Variants in EXOC4 observed in about 807,000 individuals in gnomAD.
The protein encoded by EXOC4 is exocyst complex component 4, also known as SEC8-like 1.
EXOC4 carries 71 observed loss-of-function variants against 107.2 expected under a neutral mutation model. That is an observed-to-expected ratio of 0.66 (90% CI 0.55 to 0.81). The LOEUF is 0.81. Among genes scored for constraint, EXOC4 ranks in the 30% least tolerant of loss-of-function variants. EXOC4 has a pLI of 0.00. For missense variants in EXOC4, 1,108 were observed against 1,189.6 expected, an observed-to-expected ratio of 0.93 and a Z score of 1.01; for synonymous variants, 456 against 441.2, an observed-to-expected ratio of 1.03 and a Z score of -0.42.
At chr7:133,563,689 C>T (rs980722808) in intron 9 of EXOC4, among the ~76,000 whole-genome samples, 6 of 152,074 alleles carry the variant, frequency 3.9e-5, no homozygotes, top group African/African-American at 1.2e-4. Flanking sequence ...TAAAACTAGG[C>T]GGCATAAGTT....
At chr7:133,592,643 G>T (rs374096506) in intron 9 of EXOC4, among the ~76,000 whole-genome samples, 4 of 151,882 alleles carry the variant, frequency 2.6e-5, no homozygotes, top group East Asian at 1.9e-4. Flanking sequence ...TCACTCTGTC[G>T]CTAGGCTGGA....
intron 10 of EXOC4, among the ~76,000 whole-genome samples, chr7:133,685,858 T>C (rs976309510): frequency 1.3e-5 from 2 of 152,130 alleles, no homozygotes; most frequent in Non-Finnish European, 2.9e-5. Flanking sequence ...TACCTATTAA[T>C]TTCTCATCCC....
chr7:133,870,363 C>A (rs1428268351), intron 11 of EXOC4, among the ~76,000 whole-genome samples: 1 of 152,110 alleles, frequency 6.6e-6, no homozygotes, highest in Non-Finnish European at 1.5e-5. Context: ...TACTAGACTC[C>A]GTGCTTGATT....
At chr7:133,753,061 C>A (rs1795826719) in intron 10 of EXOC4, among the ~76,000 whole-genome samples, 1 of 152,180 alleles carries the variant, frequency 6.6e-6, no homozygotes, top group African/African-American at 2.4e-5. Context: ...TTATCCTTAT[C>A]CTGAGGAATA....
At position 133,402,831 on chromosome 7, in the gene EXOC4, A is replaced by G. The variant is rs138715341; in HGVS notation, c.1182+27829A>G. Among the ~76,000 whole-genome samples, 22 of 150,180 alleles carry G rather than the reference A, an allele frequency of 1.5e-4. 1 individual carries two copies. In the East Asian group the frequency reaches 4.0e-3, roughly 28 times the overall value. On this transcript the variant is annotated intron_variant, in intron 7 of 17. Coordinates refer to ENST00000253861, the MANE Select transcript of EXOC4 (RefSeq NM_021807.4). The stretch of plus-strand genomic sequence containing the variant: ...GAATTTGGATTTCTAAAAAGCTATC[A>G]GATGATACCAGTGGTGCATAGACCA...
intron 9 of EXOC4, among the ~76,000 whole-genome samples, chr7:133,509,043 CCTT>C (rs1799717700): frequency 6.6e-6 from 1 of 152,132 alleles, no homozygotes. Context: ...CTTTTCTCCT[CCTT>C]TTTTACCCCT....
the EXOC4 span, among the ~76,000 whole-genome samples, chr7:134,073,338 T>G: frequency 6.6e-6 from 1 of 150,956 alleles, no homozygotes; most frequent in Admixed American, 6.6e-5. Context: ...TCATAGAAAC[T>G]GGACGTTCTG....
chr7:134,009,471 CTCTT>C (rs1314352576), intron 17 of EXOC4, among the ~76,000 whole-genome samples: 2 of 152,170 alleles, frequency 1.3e-5, no homozygotes, highest in Non-Finnish European at 2.9e-5. Flanking sequence ...CCTTCCCTGT[CTCTT>C]TCTTTCTATT....
chr7:133,732,583 A>C (rs143344588), intron 10 of EXOC4: 1 of 153,116 alleles, frequency 6.5e-6, no homozygotes, highest in East Asian at 1.9e-4. Flanking sequence ...CAGAACCACT[A>C]CCTTCACCAT....
intron 5 of EXOC4, among the ~76,000 whole-genome samples, chr7:133,332,663 C>T (rs1362744684): frequency 6.6e-6 from 1 of 152,162 alleles, no homozygotes; most frequent in Non-Finnish European, 1.5e-5. Context: ...TGTATGTAAA[C>T]AGTCAGTGTC....
chr7:133,335,823 C>T lies in EXOC4; in HGVS notation c.763+18433C>T, dbSNP rs554389971. Among the ~76,000 whole-genome samples the T allele has an allele frequency of 5.9e-5, 9 of 152,322 alleles. No homozygotes were observed. In the South Asian group the frequency reaches 1.9e-3, roughly 32 times the overall value. Reference sequence around the variant, plus strand: ...AACAGTGTGTAAGGGTTCTACTTCTCTCTATCCTCATCAACACTTGCCATT... The same window carrying T: ...AACAGTGTGTAAGGGTTCTACTTCTTTCTATCCTCATCAACACTTGCCATT... On this transcript the variant is annotated intron_variant, in intron 5 of 17. Transcript: ENST00000253861.
At chr7:133,685,354 A>T (rs1418959577) in intron 10 of EXOC4, among the ~76,000 whole-genome samples, 1 of 152,066 alleles carries the variant, frequency 6.6e-6, no homozygotes, top group Non-Finnish European at 1.5e-5. Context: ...TTTGCTCGGC[A>T]CTTATCCTTC....
chr7:133,898,639 G>A (rs1270756246), intron 12 of EXOC4, among the ~76,000 whole-genome samples: 2 of 151,420 alleles, frequency 1.3e-5, no homozygotes, highest in Non-Finnish European at 2.9e-5. Context: ...CCAGCTACTC[G>A]GGAGGCTGAG....
intron 10 of EXOC4, among the ~76,000 whole-genome samples, chr7:133,663,280 C>T (rs1016775574): frequency 1.3e-5 from 2 of 152,124 alleles, no homozygotes; most frequent in African/African-American, 4.8e-5. Flanking sequence ...TCTCCCTGAC[C>T]TCTTACTAGC....
chr7:133,368,111 A>G, intron 6 of EXOC4, among the ~76,000 whole-genome samples: 1 of 152,216 alleles, frequency 6.6e-6, no homozygotes, highest in East Asian at 1.9e-4. Flanking sequence ...CATGTGTTGT[A>G]GGAGAGATGT....
chr7:133,913,717 A>G (rs137966393), intron 12 of EXOC4, among the ~76,000 whole-genome samples: 3 of 152,320 alleles, frequency 2.0e-5, no homozygotes, highest in African/African-American at 7.2e-5. Context: ...ACTTTCAAGT[A>G]GAGTTCTACA....
intron 17 of EXOC4, among the ~76,000 whole-genome samples, chr7:134,021,513 C>G (rs1239795645): frequency 6.6e-6 from 1 of 152,134 alleles, no homozygotes; most frequent in Non-Finnish European, 1.5e-5. Context: ...CATTGCTGTG[C>G]TGTAGTTTTC....
At chr7:133,452,570 C>G (rs1798372367) in intron 7 of EXOC4, among the ~76,000 whole-genome samples, 1 of 149,084 alleles carries the variant, frequency 6.7e-6, no homozygotes, top group Admixed American at 6.8e-5. Context: ...CTTTAGCTCT[C>G]TGTGCATCTC....
chr7:133,767,442 C>A (rs1177454961), intron 10 of EXOC4, among the ~76,000 whole-genome samples: 1 of 151,506 alleles, frequency 6.6e-6, no homozygotes, highest in African/African-American at 2.4e-5. Flanking sequence ...CTTTTATATA[C>A]ACACACACAC....
Sources: allele counts gnomAD v4.1 joint callset (sites outside exome capture counted in the v4.1 genomes callset), GRCh38; gene constraint gnomAD v4.1.1; transcripts MANE v1.5; gene names NCBI Gene and HGNC (gene_info 2026-07-23, HGNC 2026-07-21).